KLHL13: variants seen among roughly 807,000 people sequenced by gnomAD.
KLHL13 encodes kelch-like protein 13.
A neutral mutation model predicts 37.1 loss-of-function variants in KLHL13; 10 were observed. The ratio of observed to expected loss-of-function variants is 0.27; its 90% CI spans 0.17 to 0.46. KLHL13 has a LOEUF of 0.46. Ranked by LOEUF, KLHL13 falls within the 20% of genes least tolerant of loss-of-function variation. The pLI is 1.00. For synonymous variants in KLHL13, 163 were observed against 181.2 expected, an observed-to-expected ratio of 0.90 and a Z score of 0.81; for missense variants, 360 against 509.3, an observed-to-expected ratio of 0.71 and a Z score of 2.82.
intron 1 of KLHL13, among the ~76,000 whole-genome samples, chrX:117,971,550 G>T (rs1399009260): frequency 9.1e-6 from 1 of 110,041 alleles, no homozygotes; most frequent in African/African-American, 3.3e-5. Flanking sequence ...AAAATATCCT[G>T]GAGCATAAAC....
At chrX:118,010,462 T>A (rs1203170669) in intron 1 of KLHL13, among the ~76,000 whole-genome samples, 1 of 61,424 alleles carries the variant, frequency 1.6e-5, no homozygotes, top group East Asian at 5.5e-4. Flanking sequence ...AAATTGGAAA[T>A]CATCATTCTC....
At position 118,032,810 on chromosome X, in the gene KLHL13, T is replaced by A. The variant is rs147225728; in HGVS notation, c.-56+83698A>T. ...ATTACTCCGAGCTAAGGGAGGAAAT[T>A]CAAACCAAAGGCAAGGAAGTTGAAA... On this transcript the variant is annotated intron_variant, in intron 1 of 6. Coordinates refer to the KLHL13 transcript ENST00000371882. Among the ~76,000 whole-genome samples, 161 of 111,489 alleles carry A rather than the reference T, an allele frequency of 1.4e-3. 2 individuals are homozygous for A. The highest frequency in any genetic ancestry group is 5.1e-3 in the African/African-American group (156 of 30,657).
At chrX:118,082,956 T>C (rs991561348) in intron 1 of KLHL13, among the ~76,000 whole-genome samples, 1 of 111,961 alleles carries the variant, frequency 8.9e-6, no homozygotes, top group African/African-American at 3.2e-5. Context: ...TAGTGGTCTA[T>C]GTGTCTGTTT....
chrX:117,899,388 A>G, exon 7 of KLHL13: 1 of 1,185,904 alleles, frequency 8.4e-7, no homozygotes, highest in East Asian at 3.0e-5. Context: ...TATCATGAGT[A>G]ATTCCTCCTA....
intron 1 of KLHL13, among the ~76,000 whole-genome samples, chrX:118,017,926 A>T (rs1313938151): frequency 9.0e-6 from 1 of 111,561 alleles, no homozygotes; most frequent in African/African-American, 3.3e-5. Flanking sequence ...CAGAAATGCT[A>T]TTAGCTCCAG....
chrX:118,004,684 A>G (rs1478056801), intron 1 of KLHL13, among the ~76,000 whole-genome samples: 3 of 112,455 alleles, frequency 2.7e-5, no homozygotes, highest in African/African-American at 9.7e-5. Flanking sequence ...AGATATTTGT[A>G]TAGTCTCAAA....
At chrX:118,030,894 TA>T (rs1473648632) in intron 1 of KLHL13, among the ~76,000 whole-genome samples, 2 of 112,010 alleles carry the variant, frequency 1.8e-5, no homozygotes, top group African/African-American at 6.5e-5. Flanking sequence ...AATTATAATG[TA>T]CTCTGTTATA....
intron 1 of KLHL13, among the ~76,000 whole-genome samples, chrX:118,095,269 C>T (rs1160425228): frequency 1.8e-5 from 2 of 110,074 alleles, no homozygotes; most frequent in Non-Finnish European, 3.8e-5. Flanking sequence ...GACTTTAAAC[C>T]AACAAAGATC....
intron 1 of KLHL13, among the ~76,000 whole-genome samples, chrX:118,085,671 T>A (rs184404975): frequency 9.1e-6 from 1 of 110,402 alleles, no homozygotes; most frequent in African/African-American, 3.3e-5. Flanking sequence ...CACTTAACAG[T>A]GAGAACATAT....
At chrX:118,036,068 A>G (rs1344883834) in intron 1 of KLHL13, among the ~76,000 whole-genome samples, 5 of 102,914 alleles carry the variant, frequency 4.9e-5, no homozygotes, top group Admixed American at 4.1e-4. Context: ...GGAGAACTAC[A>G]AACCACTGCT....
rs200727100 is a variant in KLHL13, at chrX:118,022,228, T to C, written c.-55-76653A>G. ...TCCCATTTGTGTGTGTGTGTCACAATTTCTTTATCCAGTCATCCATTGAAA... is the reference window on the plus strand; with the variant it reads ...TCCCATTTGTGTGTGTGTGTCACAACTTCTTTATCCAGTCATCCATTGAAA... On this transcript the variant is annotated intron_variant, in intron 1 of 6. Transcript: ENST00000371882. Among the ~76,000 whole-genome samples, 5 of 112,188 alleles carry C rather than the reference T, an allele frequency of 4.5e-5. No homozygotes were observed. In the East Asian group the frequency reaches 1.1e-3, roughly 25 times the overall value.
At chrX:118,005,770 G>A (rs1000644978) in intron 1 of KLHL13, among the ~76,000 whole-genome samples, 11 of 111,883 alleles carry the variant, frequency 9.8e-5, no homozygotes, top group African/African-American at 3.3e-4. Context: ...GCCAATGACC[G>A]GCAGAACTGT....
At chrX:118,080,353 A>G (rs2054977138) in intron 1 of KLHL13, among the ~76,000 whole-genome samples, 1 of 111,509 alleles carries the variant, frequency 9.0e-6, no homozygotes, top group African/African-American at 3.3e-5. Flanking sequence ...GGGAGAAAAT[A>G]CTTGCAAACT....
intron 2 of KLHL13, among the ~76,000 whole-genome samples, chrX:117,937,122 T>C (rs1932788213): frequency 8.9e-6 from 1 of 111,865 alleles, no homozygotes; most frequent in African/African-American, 3.3e-5. Context: ...GTATGTGTTA[T>C]TGCTAATTTT....
At chrX:118,054,530 C>T (rs909812890) in intron 1 of KLHL13, among the ~76,000 whole-genome samples, 1 of 111,557 alleles carries the variant, frequency 9.0e-6, no homozygotes, top group East Asian at 2.8e-4. Flanking sequence ...ATCTAAAGTC[C>T]GTGCTCAAAC....
intron 2 of KLHL13, among the ~76,000 whole-genome samples, chrX:117,943,521 G>T (rs756490248): frequency 2.8e-5 from 3 of 108,970 alleles, no homozygotes; most frequent in Admixed American, 9.9e-5. Flanking sequence ...GGCTTTGTTC[G>T]TTTCTTTTCA....
At chrX:117,916,848 A>T (rs1931396814) in intron 4 of KLHL13, among the ~76,000 whole-genome samples, 2 of 112,142 alleles carry the variant, frequency 1.8e-5, no homozygotes, top group South Asian at 7.4e-4. Flanking sequence ...TTTCCTCTAA[A>T]ACATCTTATT....
intron 4 of KLHL13, among the ~76,000 whole-genome samples, chrX:117,918,438 CCTA>C (rs1310219469): frequency 9.0e-6 from 1 of 111,355 alleles, no homozygotes; most frequent in East Asian, 2.8e-4. Flanking sequence ...CAATTATTTA[CCTA>C]TATTAAGATT....
At chrX:117,938,609 A>G (rs1932889126) in intron 2 of KLHL13, among the ~76,000 whole-genome samples, 1 of 111,641 alleles carries the variant, frequency 9.0e-6, no homozygotes, top group African/African-American at 3.3e-5. Flanking sequence ...AGTGGCAATC[A>G]TTGTTCGGTT....
Sources: allele counts gnomAD v4.1 joint callset (sites outside exome capture counted in the v4.1 genomes callset), GRCh38; gene constraint gnomAD v4.1.1; transcripts MANE v1.5; gene names NCBI Gene and HGNC (gene_info 2026-07-23, HGNC 2026-07-21).